Variants in EFR3A observed in about 807,000 individuals in gnomAD.
EFR3A encodes EFR3 homolog A, also known as protein EFR3 homolog A.
A neutral mutation model predicts 104.4 loss-of-function variants in EFR3A; 76 were observed. The ratio of observed to expected loss-of-function variants is 0.73; its 90% confidence interval spans 0.60 to 0.88. The LOEUF (loss-of-function observed/expected upper bound fraction) is 0.88. Ranked by LOEUF, EFR3A falls within the 40% of genes least tolerant of loss-of-function variation. The pLI, the probability that EFR3A is intolerant of heterozygous loss-of-function variation, is 0.00. For missense variants in EFR3A, 985 were observed against 1,012.5 expected (o/e 0.97, Z 0.37); for synonymous variants, 330 against 330.0 (o/e 1.00, Z 0.00).
rs765199472 is a variant in EFR3A, at chr8:131,904,182, C to G, written c.-131C>G. 740 of 1,070,802 alleles carry G rather than the reference C, an allele frequency of 6.9e-4. 3 individuals are homozygous for G. Among genetic ancestry groups the G allele is most frequent in the Non-Finnish European group, 8.2e-4 (687 of 839,078 alleles). 66.3% of individuals were successfully genotyped at this position (1,070,802 alleles called of 1,614,324 possible). A position where few individuals can be genotyped will look rare whatever the true frequency, so the allele number is the denominator to read the frequency against. On this transcript the variant is annotated 5_prime_UTR_variant, in exon 1 of 23. Transcript: ENST00000254624. ...ACCGCGGGGTCCGCGTCCGCTCCCT[C>G]CACCCTTCGCCCTTCGCCCTTCGCC...
chr8:131,918,331 T>G (rs1816842549), intron 1 of EFR3A, among the ~76,000 whole-genome samples: 1 of 152,108 alleles, frequency 6.6e-6, no homozygotes, highest in Non-Finnish European at 1.5e-5. Context: ...TTTAAAGAAG[T>G]CTTAGGCTTT....
chr8:131,911,638 TATATATGCACAAGA>T (rs1816516844), intron 1 of EFR3A, among the ~76,000 whole-genome samples: 1 of 152,116 alleles, frequency 6.6e-6, no homozygotes, highest in African/African-American at 2.4e-5. Flanking sequence ...TTATGTAACG[TATATATGCACAAGA>T]GCCTTCAGAA....
chr8:131,966,617 A>G (rs958710370), intron 8 of EFR3A, among the ~76,000 whole-genome samples: 4 of 152,192 alleles, frequency 2.6e-5, no homozygotes, highest in African/African-American at 9.7e-5. Flanking sequence ...TGTAGATGAG[A>G]GAAACTGAGT....
intron 8 of EFR3A, among the ~76,000 whole-genome samples, chr8:131,966,832 C>G (rs1258839693): frequency 6.6e-6 from 1 of 152,068 alleles, no homozygotes; most frequent in Non-Finnish European, 1.5e-5. Flanking sequence ...GTAAATGAAA[C>G]CTCAGTACAC....
chr8:131,919,843 G>A (rs1816917156), intron 1 of EFR3A, among the ~76,000 whole-genome samples: 1 of 150,738 alleles, frequency 6.6e-6, no homozygotes. Flanking sequence ...TAATTGTAAG[G>A]AAGATACATT....
At chr8:131,924,441 A>T (rs924790720) in intron 1 of EFR3A, among the ~76,000 whole-genome samples, 1 of 152,110 alleles carries the variant, frequency 6.6e-6, no homozygotes, top group Non-Finnish European at 1.5e-5. Context: ...CAGGCTTAAC[A>T]TCCATATATA....
At chr8:131,915,395 A>G (rs143956675) in intron 1 of EFR3A, among the ~76,000 whole-genome samples, 1 of 152,322 alleles carries the variant, frequency 6.6e-6, no homozygotes, top group African/African-American at 2.4e-5. Context: ...TCCTAGAATC[A>G]CAAGTGTTCT....
intron 22 of EFR3A, among the ~76,000 whole-genome samples, chr8:132,004,089 T>G (rs1171664072): frequency 6.6e-6 from 1 of 152,226 alleles, no homozygotes; most frequent in Non-Finnish European, 1.5e-5. Context: ...TTCAGTCTTT[T>G]TTCTGCTTTC....
chr8:131,905,600 T>A (rs1173447810), intron 1 of EFR3A, among the ~76,000 whole-genome samples: 1 of 152,244 alleles, frequency 6.6e-6, no homozygotes. Context: ...ACTCACGTTC[T>A]TGGACTTCGC....
chr8:131,965,972 AAC>A (rs776991607), intron 8 of EFR3A, among the ~76,000 whole-genome samples: 8 of 152,164 alleles, frequency 5.3e-5, no homozygotes, highest in Non-Finnish European at 1.2e-4. Context: ...CAAAAAACCA[AAC>A]ACCGCATGTT....
chr8:131,925,586 T>C (rs925741882), intron 1 of EFR3A, among the ~76,000 whole-genome samples: 7 of 152,144 alleles, frequency 4.6e-5, no homozygotes, highest in Non-Finnish European at 1.0e-4. Flanking sequence ...GATACAAATA[T>C]ACTGGCTTCT....
intron 18 of EFR3A, among the ~76,000 whole-genome samples, chr8:131,991,452 A>G (rs1821178065): frequency 6.6e-6 from 1 of 152,140 alleles, no homozygotes; most frequent in Non-Finnish European, 1.5e-5. Flanking sequence ...AGTTTTTATT[A>G]ATAGAAATGA....
chr8:131,905,213 C>A (rs1816188476), intron 1 of EFR3A, among the ~76,000 whole-genome samples: 2 of 152,168 alleles, frequency 1.3e-5, no homozygotes, highest in African/African-American at 4.8e-5. Flanking sequence ...AGTAGGACTC[C>A]TTTGACTAAG....
At chr8:131,971,289 A>G (rs753721806) in intron 10 of EFR3A, among the ~76,000 whole-genome samples, 1 of 152,198 alleles carries the variant, frequency 6.6e-6, no homozygotes, top group South Asian at 2.1e-4. Context: ...CTTTAGGTCC[A>G]TTAGTCAGGA....
At chr8:131,916,841 A>G (rs146506669) in intron 1 of EFR3A, among the ~76,000 whole-genome samples, 14 of 152,344 alleles carry the variant, frequency 9.2e-5, no homozygotes, top group South Asian at 2.1e-4. Context: ...CAATAAAGGT[A>G]ATTTATGAAA....
chr8:131,906,086 G>A (rs1816250072), intron 1 of EFR3A, among the ~76,000 whole-genome samples: 1 of 152,166 alleles, frequency 6.6e-6, no homozygotes, highest in Admixed American at 6.5e-5. Flanking sequence ...CATTTTTTAT[G>A]ACTGAATAAA....
rs1818361915 is a variant in EFR3A at position 131,944,972 on chromosome 8, TAATA to T, written c.215+101_215+104del. The T allele has an allele frequency of 3.9e-6, 5 of 1,272,442 alleles. No homozygotes were observed. In the South Asian group the frequency reaches 6.9e-5, roughly 18 times the overall value. 78.8% of individuals were successfully genotyped at this position (1,272,442 alleles called of 1,614,324 possible). A position where few individuals can be genotyped will look rare whatever the true frequency, so the allele number is the denominator to read the frequency against. ...ATTTTGCCATTTAGTGAGACAAAGA[TAATA>T]TATAGAGGATAAAACATTGTAATAT... On this transcript the variant is annotated intron_variant, in intron 3 of 22. Coordinates refer to ENST00000254624, the MANE Select transcript of EFR3A (RefSeq NM_015137.6).
chr8:131,948,624 G>A (rs1285073473), intron 4 of EFR3A, among the ~76,000 whole-genome samples: 1 of 152,032 alleles, frequency 6.6e-6, no homozygotes, highest in Non-Finnish European at 1.5e-5. Context: ...TACTAGCTAG[G>A]GGGAGAATTT....
At chr8:131,987,142 A>G (rs1820925800) in intron 17 of EFR3A, among the ~76,000 whole-genome samples, 1 of 152,110 alleles carries the variant, frequency 6.6e-6, no homozygotes, top group South Asian at 2.1e-4. Context: ...GTGAAACCTT[A>G]TGTGGGTGGG....
Sources: gnomAD v4.1 joint callset for allele counts (sites outside exome capture counted in the v4.1 genomes callset) on GRCh38, gnomAD v4.1.1 for gene constraint, MANE v1.5 for transcripts, NCBI Gene and HGNC (gene_info 2026-07-23, HGNC 2026-07-21) for gene names.